Variants in FAF1 observed in about 807,000 individuals in gnomAD.
The protein encoded by FAF1 is FAS-associated factor 1.
A neutral mutation model predicts 92.5 loss-of-function variants in FAF1; 25 were observed. That is an observed-to-expected ratio of 0.27 (90% CI 0.20 to 0.38). The LOEUF (loss-of-function observed/expected upper bound fraction) is 0.38, where lower values mean the gene tolerates loss of function less well. Ranked by LOEUF, FAF1 falls within the 10% of genes least tolerant of loss-of-function variation. The pLI is 1.00. For synonymous variants in FAF1, 234 were observed against 273.2 expected, an observed-to-expected ratio of 0.86 and a Z score of 1.42; for missense variants, 636 against 793.3, an observed-to-expected ratio of 0.80 and a Z score of 2.38.
chr1:50,801,508 A>G (rs1661987962), intron 3 of FAF1, 123 bp downstream of exon 3: 4 of 539,700 alleles, frequency 7.4e-6, no homozygotes, highest in Non-Finnish European at 1.0e-5. Flanking sequence ...TGAAAGAACA[A>G]TGTTAATGAA....
intron 6 of FAF1, among the ~76,000 whole-genome samples, chr1:50,715,637 G>C (rs997405966): frequency 6.6e-6 from 1 of 152,058 alleles, no homozygotes. Flanking sequence ...GGCTTCCAAT[G>C]CTCTTTCATT....
intron 1 of FAF1, among the ~76,000 whole-genome samples, chr1:50,864,872 G>A (rs1284510023): frequency 2.6e-5 from 4 of 151,978 alleles, no homozygotes; most frequent in Non-Finnish European, 4.4e-5. Flanking sequence ...CTTCTGCACA[G>A]CAAAAGAAAC....
chr1:50,929,255 T>G (rs1248476611), intron 1 of FAF1, among the ~76,000 whole-genome samples: 2 of 152,170 alleles, frequency 1.3e-5, no homozygotes, highest in Non-Finnish European at 2.9e-5. Context: ...CAGAAAGTTC[T>G]TTCATCATTC....
chr1:50,905,134 G>C (rs1177491756), intron 1 of FAF1, among the ~76,000 whole-genome samples: 1 of 152,126 alleles, frequency 6.6e-6, no homozygotes, highest in East Asian at 1.9e-4. Context: ...AGAACATGTG[G>C]TGTCTGTTTT....
chr1:50,568,125 T>C (rs1443488378), intron 12 of FAF1, among the ~76,000 whole-genome samples: 1 of 152,116 alleles, frequency 6.6e-6, no homozygotes, highest in Admixed American at 6.5e-5. Flanking sequence ...ATTAAAGAGC[T>C]TAAATTGTTG....
In FAF1 at chr1:50,515,739, C is replaced by T. The variant is rs137939242; in HGVS notation, c.1494+19630G>A. On this transcript the variant is annotated intron_variant, in intron 15 of 18. Coordinates refer to ENST00000396153, the MANE Select transcript of FAF1 (RefSeq NM_007051.3). Reference sequence around the variant, plus strand: ...TTCAAGCTTTATAGCAGAACATAGACATACCTTCAAAAAAATGTGCCCTAA... The same window carrying T: ...TTCAAGCTTTATAGCAGAACATAGATATACCTTCAAAAAAATGTGCCCTAA... Among the ~76,000 whole-genome samples the T allele has an allele frequency of 3.9e-3, 598 of 152,174 alleles. 16 individuals carry two copies. The highest frequency in any genetic ancestry group is 0.028 in the Admixed American group (423 of 15,282).
chr1:50,870,748 C>A (rs1644521140), intron 1 of FAF1, among the ~76,000 whole-genome samples: 1 of 152,118 alleles, frequency 6.6e-6, no homozygotes, highest in Non-Finnish European at 1.5e-5. Flanking sequence ...CCTGCCAGTT[C>A]CCCATCTCTC....
chr1:50,766,990 A>G (rs1267978373), intron 4 of FAF1, among the ~76,000 whole-genome samples: 1 of 152,134 alleles, frequency 6.6e-6, no homozygotes, highest in East Asian at 1.9e-4. Flanking sequence ...AAATGACAGA[A>G]ACAGAATTCA....
At chr1:50,447,121 C>CCTTTTT (rs548738667) in intron 18 of FAF1, among the ~76,000 whole-genome samples, 1 of 112,854 alleles carries the variant, frequency 8.9e-6, no homozygotes, top group Non-Finnish European at 1.8e-5. Context: ...CATATTCCTG[C>CCTTTTT]TTTTTTTTTT....
chr1:50,960,127 G>T lies in FAF1; in HGVS notation c.-316C>A. 2.7e-6 allele frequency: 1 copy of T among 372,426 alleles called. No homozygotes were observed. The highest frequency in any genetic ancestry group is 4.8e-6 in the Non-Finnish European group (1 of 208,606). 23.1% of individuals were successfully genotyped at this position (372,426 alleles called of 1,614,324 possible). A position where few individuals can be genotyped will look rare whatever the true frequency, so the allele number is the denominator to read the frequency against. On this transcript the variant is annotated 5_prime_UTR_variant, in exon 1 of 19. Transcript: ENST00000396153. ...TCGCGGGCCAGGATGAGGGCAGGTT[G>T]CGACAGCGCGCACCCGGATACCTTC...
intron 2 of FAF1, among the ~76,000 whole-genome samples, chr1:50,834,239 A>C (rs1288545768): frequency 6.6e-6 from 1 of 152,162 alleles, no homozygotes; most frequent in Non-Finnish European, 1.5e-5. Context: ...CTCCCCAGCC[A>C]TGTTTCCTGT....
chr1:50,918,309 A>G (rs1436101093), intron 1 of FAF1, among the ~76,000 whole-genome samples: 1 of 117,634 alleles, frequency 8.5e-6, no homozygotes, highest in Admixed American at 8.6e-5. Flanking sequence ...GTCATCTAGC[A>G]TTAGGTATAT....
chr1:50,674,109 C>A (rs1393774365), intron 7 of FAF1, among the ~76,000 whole-genome samples: 1 of 152,114 alleles, frequency 6.6e-6, no homozygotes. Context: ...CGCCACCACA[C>A]CCAGCTAATT....
chr1:50,553,623 A>T (rs957095737), intron 13 of FAF1, among the ~76,000 whole-genome samples: 2 of 152,184 alleles, frequency 1.3e-5, no homozygotes, highest in African/African-American at 4.8e-5. Flanking sequence ...AACCTCCTCT[A>T]GAGCACTATG....
chr1:50,762,067 C>T (rs1167434133), intron 4 of FAF1, among the ~76,000 whole-genome samples: 1 of 152,166 alleles, frequency 6.6e-6, no homozygotes, highest in East Asian at 1.9e-4. Flanking sequence ...AGAGCCAAAT[C>T]ATGAGTGAAC....
intron 8 of FAF1, among the ~76,000 whole-genome samples, chr1:50,620,642 A>G (rs1463182699): frequency 6.6e-6 from 1 of 152,192 alleles, no homozygotes; most frequent in African/African-American, 2.4e-5. Flanking sequence ...TTCAACTGCG[A>G]GAGTTCTTGT....
chr1:50,866,412 C>T (rs896492663), intron 1 of FAF1, among the ~76,000 whole-genome samples: 2 of 151,876 alleles, frequency 1.3e-5, no homozygotes, highest in East Asian at 1.9e-4. Flanking sequence ...TGATGTTTGC[C>T]GATGATATAA....
chr1:50,723,029 T>G (rs1658479407), intron 6 of FAF1, among the ~76,000 whole-genome samples: 1 of 152,082 alleles, frequency 6.6e-6, no homozygotes, highest in Non-Finnish European at 1.5e-5. Flanking sequence ...CACCAAAGAC[T>G]GAAATAGTAG....
chr1:50,491,625 C>CTCTAAAAA (rs1646839811), intron 16 of FAF1, 96 bp downstream of exon 16: 1 of 813,348 alleles, frequency 1.2e-6, no homozygotes, highest in Non-Finnish European at 2.0e-6. Context: ...TTCTCTATTG[C>CTCTAAAAA]AAACCCAGTA....
Sources: gnomAD v4.1 joint callset for allele counts (sites outside exome capture counted in the v4.1 genomes callset) on GRCh38, gnomAD v4.1.1 for gene constraint, MANE v1.5 for transcripts, NCBI Gene and HGNC (gene_info 2026-07-23, HGNC 2026-07-21) for gene names.